Variants in PTPN20 observed in about 807,000 individuals in gnomAD.
The protein encoded by PTPN20 is tyrosine-protein phosphatase non-receptor type 20.
In PTPN20, 9 loss-of-function variants were observed where a neutral mutation model predicts 35.0. The observed-to-expected ratio is 0.26, with a 90% CI of 0.15 to 0.45. The LOEUF (loss-of-function observed/expected upper bound fraction) is 0.45, where lower values mean the gene tolerates loss of function less well. Among genes scored for constraint, PTPN20 ranks in the 20% least tolerant of loss-of-function variants. The pLI is 1.00. For missense variants in PTPN20, 111 were observed against 312.5 expected, an observed-to-expected ratio of 0.36 and a Z score of 4.86; for synonymous variants, 32 against 100.2, an observed-to-expected ratio of 0.32 and a Z score of 4.06.
intron 2 of PTPN20, among the ~76,000 whole-genome samples, chr10:46,937,843 T>G (rs1431548634): frequency 1.3e-5 from 2 of 151,566 alleles, no homozygotes; most frequent in African/African-American, 4.8e-5. Context: ...ACTTTTCTAT[T>G]CCTTGGCATA....
At chr10:46,977,200 C>T (rs1455494405) in intron 7 of PTPN20, among the ~76,000 whole-genome samples, 1 of 152,304 alleles carries the variant, frequency 6.6e-6, no homozygotes, top group Non-Finnish European at 1.5e-5. Flanking sequence ...ATTCTACCTC[C>T]AGACTGCCTT....
At chr10:46,999,848 C>T in intron 9 of PTPN20, 64 bp from the exon 10 acceptor site, 1 of 1,569,708 alleles carries the variant, frequency 6.4e-7, no homozygotes. Context: ...CCCTTTTTGG[C>T]AATCTGTGAA....
At chr10:46,965,897 C>CTT (rs1265312826) in intron 6 of PTPN20, among the ~76,000 whole-genome samples, 8 of 20,488 alleles carry the variant, frequency 3.9e-4, no homozygotes, top group East Asian at 2.7e-3. Flanking sequence ...CCCCATTTTC[C>CTT]TTTTTTTTTT....
chr10:46,995,120 C>T (rs1223315783), intron 9 of PTPN20, among the ~76,000 whole-genome samples: 1 of 152,188 alleles, frequency 6.6e-6, no homozygotes, highest in East Asian at 1.9e-4. Context: ...GAGGGTCAGT[C>T]ACTGGTTCCT....
intron 9 of PTPN20, among the ~76,000 whole-genome samples, chr10:46,999,054 C>T (rs2059644588): frequency 6.6e-6 from 1 of 152,092 alleles, no homozygotes; most frequent in African/African-American, 2.4e-5. Flanking sequence ...GATGACACCG[C>T]TGTACTCCAG....
At position 46,911,507 on chromosome 10, in the gene PTPN20, G is replaced by C. The variant is rs2031906753; in HGVS notation, c.-124+6G>C. 5.3e-6 allele frequency: 1 copy of C among 188,670 alleles called. No individual in the cohort carries two copies. Among genetic ancestry groups the C allele is most frequent in the African/African-American group, 2.9e-5 (1 of 33,928 alleles). The allele number at this position is 188,670 out of a possible 1,614,324, so 11.7% of individuals were successfully genotyped here. A position where few individuals can be genotyped will look rare whatever the true frequency, so the allele number is the denominator to read the frequency against. On this transcript the variant is annotated splice_donor_region_variant and intron_variant, in intron 1 of 10. Coordinates refer to ENST00000374339, the MANE Select transcript of PTPN20 (RefSeq NM_001042357.5). ...GGGCGGCCCCGCAGGCCCAGGTGAG[G>C]AAAGGTGGCTGGGGGCCAGGTGGGC...
rs1404431132 is a variant in PTPN20, at chr10:46,940,035, T to C, written c.35-588T>C. 2.8e-5 allele frequency among the ~76,000 whole-genome samples: 4 copies of C among 140,408 alleles called. No homozygotes were observed. The East Asian group carries it at 8.7e-4, about 31-fold the overall frequency. The allele number at this position is 140,408 out of a possible 152,430, so 92.1% of individuals were successfully genotyped here. A position where few individuals can be genotyped will look rare whatever the true frequency, so the allele number is the denominator to read the frequency against. On this transcript the variant is annotated intron_variant, in intron 2 of 10. Coordinates refer to ENST00000374339, the MANE Select transcript of PTPN20 (RefSeq NM_001042357.5). The stretch of plus-strand genomic sequence containing the variant: ...TACTGAGATCAGAGAAAATTTTCTC[T>C]TGGCTTCTTATCTGAAAGAGTCTGT...
chr10:46,955,163 G>T (rs1708307334), intron 5 of PTPN20: 1 of 148,648 alleles, frequency 6.7e-6, no homozygotes, highest in Non-Finnish European at 1.5e-5. Flanking sequence ...AAATACAGAG[G>T]GACAACAGTA....
At chr10:46,935,843 G>A (rs1589328521) in intron 2 of PTPN20, among the ~76,000 whole-genome samples, 1 of 152,326 alleles carries the variant, frequency 6.6e-6, no homozygotes, top group Admixed American at 6.5e-5. Flanking sequence ...TGAATCAAAT[G>A]GTAGTTCTGT....
At chr10:47,003,172 A>G (rs2060133549), downstream of PTPN20, among the ~76,000 whole-genome samples, 1 of 152,032 alleles carries the variant, frequency 6.6e-6, no homozygotes, top group South Asian at 2.1e-4. Context: ...TAATTACTTC[A>G]TAATTAAACA....
chr10:46,997,555 A>C (rs1191481174), intron 9 of PTPN20, among the ~76,000 whole-genome samples: 1 of 151,782 alleles, frequency 6.6e-6, no homozygotes, highest in Non-Finnish European at 1.5e-5. Flanking sequence ...TGTTGCCATC[A>C]CTGATCTCAG....
chr10:46,953,387 CT>C (rs1262644533), intron 5 of PTPN20, among the ~76,000 whole-genome samples: 3 of 123,466 alleles, frequency 2.4e-5, no homozygotes, highest in Admixed American at 2.3e-4. Flanking sequence ...TTCTTTCTTT[CT>C]TTCTTTCTTT....
At chr10:46,997,642 G>A (rs1209710181) in intron 9 of PTPN20, among the ~76,000 whole-genome samples, 3 of 149,944 alleles carry the variant, frequency 2.0e-5, no homozygotes, top group Non-Finnish European at 4.4e-5. Context: ...AAGCTAGAGA[G>A]TAACTATATG....
At chr10:46,935,884 A>G (rs1379219514) in intron 2 of PTPN20, among the ~76,000 whole-genome samples, 1 of 152,060 alleles carries the variant, frequency 6.6e-6, no homozygotes, top group African/African-American at 2.4e-5. Flanking sequence ...TCCAAACCAC[A>G]TTCCACAGTG....
intron 9 of PTPN20, among the ~76,000 whole-genome samples, chr10:46,994,535 CGT>C (rs1403734617): frequency 1.3e-5 from 2 of 151,738 alleles, no homozygotes; most frequent in East Asian, 3.9e-4. Flanking sequence ...GGGGTTTCAC[CGT>C]GTTAGCCAGG....
In PTPN20 at chr10:46,950,999, T is replaced by C. The variant is rs191289797; in HGVS notation, c.340+4324T>C. ...TATTCACCCATTCTCCAGTTGACTT[T>C]TTCTGCAGTATATATATTTACATGT... is the stretch of plus-strand genomic sequence containing the variant. On this transcript the variant is annotated intron_variant, in intron 5 of 10. Transcript: ENST00000374339. 2.2e-4 allele frequency among the ~76,000 whole-genome samples: 32 copies of C among 145,894 alleles called. No homozygotes were observed. In the East Asian group the frequency reaches 4.5e-3, roughly 21 times the overall value.
chr10:46,993,348 T>C (rs1451103950), intron 9 of PTPN20, among the ~76,000 whole-genome samples: 6 of 152,176 alleles, frequency 3.9e-5, no homozygotes, highest in Admixed American at 3.9e-4. Context: ...AAAGATTAGG[T>C]CACCAGGAGA....
At chr10:46,963,703 C>T (rs1218861178) in intron 5 of PTPN20, among the ~76,000 whole-genome samples, 4 of 95,786 alleles carry the variant, frequency 4.2e-5, no homozygotes, top group African/African-American at 1.2e-4. Context: ...AAGGATCTTA[C>T]TATGGAATGA....
rs1365320085 is a variant in PTPN20, at chr10:46,945,280, C to A, written c.227+1265C>A. Among the ~76,000 whole-genome samples, 6 of 151,920 alleles carry A rather than the reference C, an allele frequency of 3.9e-5. No homozygotes were observed. In the South Asian group the frequency reaches 6.2e-4, roughly 16 times the overall value. ...ATACGGAGGGTCTTTTTGTTTTATT[C>A]ATGCAACTATCTATTTATCCATCCA... On this transcript the variant is annotated intron_variant, in intron 4 of 10. Coordinates refer to ENST00000374339, the MANE Select transcript of PTPN20 (RefSeq NM_001042357.5).
Sources: allele counts gnomAD v4.1 joint callset (sites outside exome capture counted in the v4.1 genomes callset), GRCh38; gene constraint gnomAD v4.1.1; transcripts MANE v1.5; gene names NCBI Gene and HGNC (gene_info 2026-07-23, HGNC 2026-07-21).